Variants in CHST8 observed in about 807,000 individuals in gnomAD.
The protein encoded by CHST8 is GALNAC-4-ST1.
In CHST8, 10 loss-of-function variants were observed where a neutral mutation model predicts 15.0. The observed-to-expected ratio is 0.67, with a 90% CI of 0.41 to 1.13. The LOEUF is 1.13. CHST8 is among the 50% of genes most tolerant of loss of function. The pLI is 0.00. For synonymous variants in CHST8, 259 were observed against 256.6 expected (o/e 1.01, Z -0.09); for missense variants, 634 against 608.2 (o/e 1.04, Z -0.45).
intron 3 of CHST8, among the ~76,000 whole-genome samples, chr19:33,750,013 C>G (rs1367814499): frequency 6.6e-6 from 1 of 152,218 alleles, no homozygotes; most frequent in Non-Finnish European, 1.5e-5. Context: ...TAGGTGTGGT[C>G]CAGGAAGCTG....
In CHST8 at chr19:33,718,056, G is replaced by C. The variant is rs1689671930; in HGVS notation, c.130+28665G>C. ...AGGCAGCCAGGGCTTTGATCACTCT[G>C]TCTGAAGCCTCCCAGTTAGTCCTCT... On this transcript the variant is annotated intron_variant, in intron 3 of 4. Transcript: ENST00000650847. 2.0e-5 allele frequency among the ~76,000 whole-genome samples: 3 copies of C among 152,186 alleles called. No homozygotes were observed. The South Asian group carries it at 6.2e-4, about 32-fold the overall frequency.
At chr19:33,746,494 A>T (rs997915878) in intron 3 of CHST8, among the ~76,000 whole-genome samples, 2 of 152,254 alleles carry the variant, frequency 1.3e-5, no homozygotes, top group African/African-American at 4.8e-5. Flanking sequence ...ATGTTTGTGA[A>T]ATTCATCCAT....
intron 3 of CHST8, among the ~76,000 whole-genome samples, chr19:33,712,198 C>G (rs994358922): frequency 1.3e-5 from 2 of 152,214 alleles, no homozygotes; most frequent in Admixed American, 1.3e-4. Context: ...ACTCCTAGAG[C>G]TGGGTGGCTG....
rs947966553 is a variant in CHST8 at position 33,724,673 on chromosome 19, C to T, written c.130+35282C>T. ...CAGGTCAGACCTGCCACTCCTGGGC[C>T]CTGCCCCTGCCCCCTCTCCTTCCCT... On this transcript the variant is annotated intron_variant, in intron 3 of 4. Transcript: ENST00000650847. Among the ~76,000 whole-genome samples the T allele has an allele frequency of 2.0e-5, 3 of 152,192 alleles. No individual in the cohort carries two copies. The South Asian group carries it at 6.2e-4, about 32-fold the overall frequency.
chr19:33,694,185 T>C (rs1973160390), intron 3 of CHST8, among the ~76,000 whole-genome samples: 1 of 39,586 alleles, frequency 2.5e-5, no homozygotes, highest in Admixed American at 2.8e-4. Context: ...TATATATATA[T>C]ATATATATAT....
intron 3 of CHST8, among the ~76,000 whole-genome samples, chr19:33,707,564 CAT>C (rs536932544): frequency 1.3e-5 from 2 of 152,118 alleles, no homozygotes; most frequent in Non-Finnish European, 2.9e-5. Flanking sequence ...TTTTGAGAGT[CAT>C]ATTTTTTGAT....
chr19:33,768,305 T>A (rs1974893352), intron 3 of CHST8, among the ~76,000 whole-genome samples: 1 of 152,176 alleles, frequency 6.6e-6, no homozygotes. Context: ...CCAGGTATGG[T>A]GGCTCGCACC....
At chr19:33,627,487 G>C (rs990121140) in intron 1 of CHST8, among the ~76,000 whole-genome samples, 4 of 152,138 alleles carry the variant, frequency 2.6e-5, no homozygotes, top group Admixed American at 2.0e-4. Flanking sequence ...TCCGTATGCA[G>C]GCCTGGGGCT....
At chr19:33,699,311 G>A (rs949137061) in intron 3 of CHST8, among the ~76,000 whole-genome samples, 7 of 152,208 alleles carry the variant, frequency 4.6e-5, no homozygotes, top group African/African-American at 1.7e-4. Flanking sequence ...GGTCAAGGAA[G>A]GAGGTTATCC....
chr19:33,722,150 T>C (rs935423445), intron 3 of CHST8, among the ~76,000 whole-genome samples: 1 of 147,712 alleles, frequency 6.8e-6, no homozygotes, highest in African/African-American at 2.5e-5. Flanking sequence ...GATGGACAGA[T>C]AGATGGGAAG....
intron 2 of CHST8, among the ~76,000 whole-genome samples, chr19:33,669,289 G>A (rs186266256): frequency 1.5e-3 from 221 of 152,282 alleles, no homozygotes; most frequent in Non-Finnish European, 2.7e-3. Flanking sequence ...ATGAACATTA[G>A]GACTCTCGTT....
At chr19:33,703,718 C>T (rs938492388) in intron 3 of CHST8, among the ~76,000 whole-genome samples, 2 of 152,190 alleles carry the variant, frequency 1.3e-5, no homozygotes, top group African/African-American at 2.4e-5. Context: ...AGCCTCTGGG[C>T]GGATCTCATT....
chr19:33,668,660 G>C (rs959020175), intron 2 of CHST8, among the ~76,000 whole-genome samples: 1 of 152,038 alleles, frequency 6.6e-6, no homozygotes, highest in African/African-American at 2.4e-5. Flanking sequence ...AATTGGAGAG[G>C]CTTTTTTTGT....
intron 3 of CHST8, among the ~76,000 whole-genome samples, chr19:33,714,688 G>T (rs1213822837): frequency 6.6e-6 from 1 of 152,232 alleles, no homozygotes; most frequent in Middle Eastern, 3.2e-3. Context: ...GGAGGTGATT[G>T]AATCATGGGA....
chr19:33,731,159 C>T (rs1373911199), intron 3 of CHST8, among the ~76,000 whole-genome samples: 1 of 152,166 alleles, frequency 6.6e-6, no homozygotes, highest in Non-Finnish European at 1.5e-5. Context: ...CAAGTTGACA[C>T]TCAATAGTAA....
At chr19:33,649,143 A>G (rs369201706) in intron 1 of CHST8, among the ~76,000 whole-genome samples, 1 of 152,062 alleles carries the variant, frequency 6.6e-6, no homozygotes, top group East Asian at 1.9e-4. Flanking sequence ...AGCTCAATTG[A>G]TCTGCCCACC....
chr19:33,644,524 C>T (rs1972325441), intron 1 of CHST8, among the ~76,000 whole-genome samples: 1 of 151,786 alleles, frequency 6.6e-6, no homozygotes, highest in African/African-American at 2.4e-5. Context: ...CCCTCGAGGC[C>T]AGGAGTTTGA....
chr19:33,697,429 G>A (rs1413833227), intron 3 of CHST8, among the ~76,000 whole-genome samples: 3 of 149,900 alleles, frequency 2.0e-5, no homozygotes, highest in Non-Finnish European at 3.0e-5. Context: ...ACGGGGTTTC[G>A]CCATGTTGCC....
intron 3 of CHST8, among the ~76,000 whole-genome samples, chr19:33,769,838 C>T (rs577295850): frequency 6.6e-6 from 1 of 152,192 alleles, no homozygotes; most frequent in African/African-American, 2.4e-5. Context: ...TTGGGAGTGC[C>T]CAGGAAGATG....
Sources: gnomAD v4.1 joint callset for allele counts (sites outside exome capture counted in the v4.1 genomes callset) on GRCh38, gnomAD v4.1.1 for gene constraint, MANE v1.5 for transcripts, NCBI Gene and HGNC (gene_info 2026-07-23, HGNC 2026-07-21) for gene names.